The following RBPJ variants were observed in gnomAD, a reference collection of about 807,000 sequenced individuals.
RBPJ encodes the protein recombining binding protein suppressor of hairless.
RBPJ carries 9 observed loss-of-function variants against 67.8 expected under a neutral mutation model. The observed-to-expected ratio is 0.13, with a 90% CI of 0.08 to 0.23. The LOEUF is 0.23. RBPJ is among the 10% of genes least tolerant of loss of function. The pLI, the probability that RBPJ is intolerant of heterozygous loss-of-function variation, is 1.00. For synonymous variants in RBPJ, 198 were observed against 203.3 expected (o/e 0.97, Z 0.22); for missense variants, 305 against 595.6 (o/e 0.51, Z 5.08).
intron 1 of RBPJ, among the ~76,000 whole-genome samples, chr4:26,191,855 T>G (rs537664996): frequency 6.6e-6 from 1 of 152,256 alleles, no homozygotes; most frequent in African/African-American, 2.4e-5. Context: ...AGTTAAATAT[T>G]TATGGAGAAT....
the RBPJ span, among the ~76,000 whole-genome samples, chr4:26,156,414 C>CTTTTT: frequency 0.022 from 2,062 of 93,400 alleles, 1 homozygote; most frequent in Middle Eastern, 0.034. Flanking sequence ...TCTTTTCTTT[C>CTTTTT]TTTTTTTTTT....
chr4:26,236,240 A>G (rs1719446132), intron 1 of RBPJ, among the ~76,000 whole-genome samples: 2 of 152,210 alleles, frequency 1.3e-5, no homozygotes, highest in African/African-American at 2.4e-5. Flanking sequence ...GTGACCTTCA[A>G]TAAGCAATTT....
intron 1 of RBPJ, among the ~76,000 whole-genome samples, chr4:26,176,600 C>G (rs551583249): frequency 1.3e-5 from 2 of 152,366 alleles, no homozygotes; most frequent in South Asian, 4.1e-4. Context: ...AGCCTTGTTT[C>G]TCAAGCCCAG....
In RBPJ at chr4:26,293,476, AT is replaced by A. The variant is rs541054673; in HGVS notation, c.-166-68962del. Reference sequence around the variant, plus strand: ...TAGTGAGATCCTGTCCTCACAAAAAATTTTTTTTAATTAGCCAAGTCTGGTG... The same window carrying A: ...TAGTGAGATCCTGTCCTCACAAAAAATTTTTTTAATTAGCCAAGTCTGGTG... On this transcript the variant is annotated intron_variant, in intron 1 of 4. Coordinates refer to the RBPJ transcript ENST00000512351. Among the ~76,000 whole-genome samples the A allele has an allele frequency of 7.7e-3, 1,144 of 149,420 alleles. 48 individuals are homozygous for A. The highest frequency in any genetic ancestry group is 0.029 in the South Asian group (135 of 4,726).
intron 1 of RBPJ, among the ~76,000 whole-genome samples, chr4:26,224,005 C>T (rs1311174409): frequency 1.3e-5 from 2 of 152,178 alleles, no homozygotes; most frequent in East Asian, 3.8e-4. Flanking sequence ...GTTGTGAGAA[C>T]ACAAGATTAA....
At chr4:26,388,300 T>G (rs1196009104) in intron 2 of RBPJ, among the ~76,000 whole-genome samples, 1 of 152,116 alleles carries the variant, frequency 6.6e-6, no homozygotes, top group Non-Finnish European at 1.5e-5. Flanking sequence ...GTGCCCAGCC[T>G]AAAACAGTTA....
At chr4:26,303,597 A>G (rs1722147131) in intron 1 of RBPJ, among the ~76,000 whole-genome samples, 2 of 152,268 alleles carry the variant, frequency 1.3e-5, no homozygotes, top group South Asian at 4.1e-4. Context: ...TTGAACATTT[A>G]TAGAAGTATA....
intron 1 of RBPJ, among the ~76,000 whole-genome samples, chr4:26,301,145 G>A (rs781046044): frequency 3.5e-4 from 53 of 152,288 alleles, no homozygotes; most frequent in Non-Finnish European, 6.9e-4. Flanking sequence ...AAATGGATGA[G>A]GTGAGTATTT....
chr4:26,211,520 G>A (rs966830059), intron 1 of RBPJ, among the ~76,000 whole-genome samples: 1 of 152,106 alleles, frequency 6.6e-6, no homozygotes, highest in African/African-American at 2.4e-5. Flanking sequence ...ATTCACCTCT[G>A]TAAATTCAGT....
At chr4:26,142,271 G>A in the RBPJ span, among the ~76,000 whole-genome samples, 2 of 152,180 alleles carry the variant, frequency 1.3e-5, no homozygotes, top group African/African-American at 2.4e-5. Flanking sequence ...TCTCCCAGAA[G>A]GGAGAAAAAG....
the RBPJ span, among the ~76,000 whole-genome samples, chr4:26,131,271 T>C: frequency 6.6e-6 from 1 of 152,362 alleles, no homozygotes; most frequent in East Asian, 1.9e-4. Context: ...GCCATGTTTT[T>C]CAAACTGGGT....
At chr4:26,287,148 T>C (rs1185050256) in intron 1 of RBPJ, among the ~76,000 whole-genome samples, 1 of 152,132 alleles carries the variant, frequency 6.6e-6, no homozygotes, top group East Asian at 1.9e-4. Context: ...AGAGCTAGCA[T>C]GCTACGGTAA....
At chr4:26,349,093 C>CGCGCGCGCGTGT (rs113326244) in intron 1 of RBPJ, among the ~76,000 whole-genome samples, 7 of 150,738 alleles carry the variant, frequency 4.6e-5, no homozygotes, top group East Asian at 2.0e-4. Context: ...TGTGTGCGCG[C>CGCGCGCGCGTGT]GCGCACGCAC....
intron 1 of RBPJ, among the ~76,000 whole-genome samples, chr4:26,343,566 G>T (rs1311468994): frequency 2.4e-4 from 34 of 144,414 alleles, no homozygotes; most frequent in African/African-American, 7.4e-4. Flanking sequence ...TTTTTTTTTT[G>T]AGATAGAATC....
At chr4:26,148,366 T>C in the RBPJ span, among the ~76,000 whole-genome samples, 1 of 152,106 alleles carries the variant, frequency 6.6e-6, no homozygotes, top group African/African-American at 2.4e-5. Flanking sequence ...AGGTCAGCGT[T>C]GAAGAACTAG....
At chr4:26,166,937 G>T (rs988484924) in intron 1 of RBPJ, among the ~76,000 whole-genome samples, 1 of 152,104 alleles carries the variant, frequency 6.6e-6, no homozygotes, top group Non-Finnish European at 1.5e-5. Flanking sequence ...CTACATATGG[G>T]TAGCCAGTTT....
intron 1 of RBPJ, among the ~76,000 whole-genome samples, chr4:26,339,009 C>T (rs1294460277): frequency 7.3e-5 from 11 of 149,950 alleles, no homozygotes; most frequent in South Asian, 2.1e-4. Flanking sequence ...TTTTTAGAGA[C>T]GGGGTTTTGC....
chr4:26,281,441 G>C (rs961412323), intron 1 of RBPJ, among the ~76,000 whole-genome samples: 13 of 151,976 alleles, frequency 8.6e-5, no homozygotes, highest in Admixed American at 5.2e-4. Flanking sequence ...ACCACACCCA[G>C]CTAATTTTTT....
chr4:26,339,844 A>G (rs1344163800), intron 1 of RBPJ, among the ~76,000 whole-genome samples: 74 of 152,238 alleles, frequency 4.9e-4, no homozygotes, highest in Non-Finnish European at 1.5e-4. Context: ...ACATGGTGAA[A>G]CCCTGTGTCT....
Sources: allele counts gnomAD v4.1 joint callset (sites outside exome capture counted in the v4.1 genomes callset), GRCh38; gene constraint gnomAD v4.1.1; transcripts MANE v1.5; gene names NCBI Gene and HGNC (gene_info 2026-07-23, HGNC 2026-07-21).